HHIPL1: variants seen among roughly 807,000 people sequenced by gnomAD.
The protein encoded by HHIPL1 is HHIP-like protein 1.
A neutral mutation model predicts 61.8 loss-of-function variants in HHIPL1; 43 were observed. That is an observed-to-expected ratio of 0.70 (90% CI 0.55 to 0.90). The LOEUF is 0.90. Among genes scored for constraint, HHIPL1 ranks in the 40% least tolerant of loss-of-function variants. The pLI is 0.00. For missense variants in HHIPL1, 1,056 were observed against 1,157.7 expected (o/e 0.91, Z 1.28); for synonymous variants, 482 against 515.8 (o/e 0.93, Z 0.89).
Position 99,676,121 on chromosome 14 carries a change from TC to T in HHIPL1, c.*502del, listed in dbSNP as rs953109858. The T allele has an allele frequency of 4.5e-5, 7 of 154,138 alleles. No individual in the cohort carries two copies. The highest frequency in any genetic ancestry group is 8.5e-5 in the Non-Finnish European group (6 of 70,284). The allele number at this position is 154,138 out of a possible 1,614,324, so 9.5% of individuals were successfully genotyped here. ...CGGACAGCATGGCCTGGTGCCCGCA[TC>T]CCCCCCACCCCCTGGCAGTCAGAGG... On this transcript the variant is annotated 3_prime_UTR_variant, in exon 9 of 9. Coordinates refer to ENST00000330710, the MANE Select transcript of HHIPL1 (RefSeq NM_001127258.3).
chr14:99,669,059 C>T, intron 7 of HHIPL1: 1 of 1,453,890 alleles, frequency 6.9e-7, no homozygotes, highest in Non-Finnish European at 9.0e-7. Context: ...CTTCCCCAAC[C>T]CACGTTGCCC....
At chr14:99,666,696 G>A (rs1016770844) in intron 6 of HHIPL1, among the ~76,000 whole-genome samples, 1 of 152,206 alleles carries the variant, frequency 6.6e-6, no homozygotes. Context: ...CCAAGGCTGT[G>A]TGGCCAATTT....
rs1280572809 is a variant in HHIPL1, at chr14:99,652,461, A to G, written c.493A>G (p.Lys165Glu). The G allele has an allele frequency of 2.5e-6, 4 of 1,613,976 alleles. No individual in the cohort carries two copies. In the East Asian group the frequency reaches 6.7e-5, roughly 27 times the overall value. Residue 165 changes from lysine to glutamate, a missense_variant, in exon 2 of 9, where the codon AAG (lysine) becomes GAG (glutamate). By Grantham distance (56) the Lys-to-Glu change is moderately conservative. Transcript: ENST00000330710. Reference protein sequence around the residue: ...DYCFPYLLVNKNLNSNLGHVV... With the variant: ...DYCFPYLLVNENLNSNLGHVV... ...CTGCTTCCCTTACCTGCTGGTCAAC[A>G]AGAACCTCAACTCAAACCTGGGCCA...
the HHIPL1 span, among the ~76,000 whole-genome samples, chr14:99,632,520 C>T: frequency 6.6e-6 from 1 of 152,170 alleles, no homozygotes; most frequent in African/African-American, 2.4e-5. Flanking sequence ...AAATAGGCTC[C>T]CATTTGACCT....
At chr14:99,605,834 C>G in the HHIPL1 span, among the ~76,000 whole-genome samples, 6 of 152,182 alleles carry the variant, frequency 3.9e-5, no homozygotes. Context: ...CAGCCAGTGC[C>G]AAGGCCCTAG....
At chr14:99,672,240 G>A (rs2056333149) in intron 7 of HHIPL1, 77 bp from the exon 8 acceptor site, 2 of 1,118,920 alleles carry the variant, frequency 1.8e-6, no homozygotes, top group Admixed American at 2.0e-5. Context: ...GTTCATACCT[G>A]CCTCACTGTA....
intron 6 of HHIPL1, among the ~76,000 whole-genome samples, chr14:99,667,620 C>A (rs951571406): frequency 1.3e-5 from 2 of 152,186 alleles, no homozygotes; most frequent in African/African-American, 4.8e-5. Context: ...TCTGCTCCTG[C>A]CTGGGAGGTG....
chr14:99,659,795 G>A (rs986671558), intron 4 of HHIPL1, 39 bp downstream of exon 4: 2 of 926,790 alleles, frequency 2.2e-6, no homozygotes, highest in Admixed American at 3.0e-4. Context: ...CCCCGAATCC[G>A]CCCCCACCCC....
the HHIPL1 span, among the ~76,000 whole-genome samples, chr14:99,620,474 T>C: frequency 6.6e-6 from 1 of 152,186 alleles, no homozygotes; most frequent in African/African-American, 2.4e-5. Flanking sequence ...CAGGTCAGGG[T>C]CCCTGGCTGG....
intron 1 of HHIPL1, 47 bp from the exon 2 acceptor site, chr14:99,652,176 TG>T: frequency 6.6e-7 from 1 of 1,522,398 alleles, no homozygotes; most frequent in East Asian, 2.3e-5. Flanking sequence ...AACCTTGGGC[TG>T]GTAAGCACCT....
At chr14:99,655,488 G>A (rs115254122) in intron 2 of HHIPL1, among the ~76,000 whole-genome samples, 304 of 152,186 alleles carry the variant, frequency 2.0e-3, no homozygotes, top group African/African-American at 7.0e-3. Context: ...GCCGGGCATG[G>A]TGGCATGCAC....
At chr14:99,635,737 A>G in the HHIPL1 span, among the ~76,000 whole-genome samples, 1 of 152,186 alleles carries the variant, frequency 6.6e-6, no homozygotes, top group East Asian at 1.9e-4. Flanking sequence ...CCTGCAGCTC[A>G]GGAGGGACAT....
intron 1 of HHIPL1, among the ~76,000 whole-genome samples, chr14:99,645,854 C>A (rs985580526): frequency 6.6e-6 from 1 of 152,188 alleles, no homozygotes; most frequent in African/African-American, 2.4e-5. Flanking sequence ...GCATCTGTCC[C>A]GGTCAGTGCT....
At chr14:99,631,106 T>TTCTTTCTCTCTC in the HHIPL1 span, among the ~76,000 whole-genome samples, 2 of 121,454 alleles carry the variant, frequency 1.6e-5, no homozygotes, top group African/African-American at 6.2e-5. Flanking sequence ...CTTTCTTTCT[T>TTCTTTCTCTCTC]TCTCTCTCTT....
intron 6 of HHIPL1, among the ~76,000 whole-genome samples, chr14:99,665,758 A>T (rs148677109): frequency 6.7e-6 from 1 of 150,154 alleles, no homozygotes; most frequent in Non-Finnish European, 1.5e-5. Context: ...TTTTGTTGTT[A>T]TTGTTGTTGT....
Position 99,645,355 on chromosome 14 carries a change from G to A in HHIPL1, c.148G>A (p.Glu50Lys). ...GTACTCGGACTTCGGCTGCTGCGATGAGGGGCGCGACGCCGAGCTGACCCG... is the reference window on the plus strand; with the variant it reads ...GTACTCGGACTTCGGCTGCTGCGATAAGGGGCGCGACGCCGAGCTGACCCG... ...AQYSDFGCCD[E>K]GRDAELTRRF... The change falls in exon 1 of 9, where the codon GAG becomes AAG. Residue 50 changes from glutamate to lysine, a missense_variant. Transcript: ENST00000330710. The A allele has an allele frequency of 1.4e-6, 2 of 1,449,972 alleles. No homozygotes were observed. The highest frequency in any genetic ancestry group is 1.4e-5 in the South Asian group (1 of 73,972). 89.8% of individuals were successfully genotyped at this position (1,449,972 alleles called of 1,614,324 possible). A position where few individuals can be genotyped will look rare whatever the true frequency, so the allele number is the denominator to read the frequency against.
rs897836748 is a variant in HHIPL1 at position 99,649,195 on chromosome 14, G to A, written c.256-3029G>A. Among the ~76,000 whole-genome samples, 7 of 152,164 alleles carry A rather than the reference G, an allele frequency of 4.6e-5. No homozygotes were observed. In the South Asian group the frequency reaches 8.3e-4, roughly 18 times the overall value. ...CATCTGCTGTGTGATTGGGACGCAC[G>A]GATGCCGAGGTCTTCGGCCTGGCTC... On this transcript the variant is annotated intron_variant, in intron 1 of 8. Coordinates refer to ENST00000330710, the MANE Select transcript of HHIPL1 (RefSeq NM_001127258.3).
the HHIPL1 span, among the ~76,000 whole-genome samples, chr14:99,627,878 A>C: frequency 6.8e-4 from 104 of 152,344 alleles, no homozygotes; most frequent in African/African-American, 2.4e-3. The surrounding 1 kb of genome is among the most constrained non-coding windows in gnomAD (Gnocchi z 4.4). Flanking sequence ...CAGTGAGGTC[A>C]GGATGGGCTG....
chr14:99,662,745 TG>T, intron 5 of HHIPL1, 130 bp from the exon 6 acceptor site: 1 of 820,198 alleles, frequency 1.2e-6, no homozygotes, highest in Non-Finnish European at 1.9e-6. Context: ...TGTAGATGGA[TG>T]GTGGAAGGAT....
Sources: allele counts gnomAD v4.1 joint callset (sites outside exome capture counted in the v4.1 genomes callset), GRCh38; gene constraint gnomAD v4.1.1; non-coding constraint Gnocchi (gnomAD v3.1); transcripts MANE v1.5; gene names NCBI Gene and HGNC (gene_info 2026-07-23, HGNC 2026-07-21).